Variants in LRP1B observed in about 807,000 individuals in gnomAD.
LRP1B encodes low-density lipoprotein receptor-related protein 1B.
Under a neutral mutation model 556.6 loss-of-function variants are expected in LRP1B, and 217 were observed. The ratio of observed to expected loss-of-function variants is 0.39; its 90% CI spans 0.35 to 0.44. The LOEUF is 0.44. Ranked by LOEUF, LRP1B falls within the 20% of genes least tolerant of loss-of-function variation. The pLI is 1.00. For synonymous variants in LRP1B, 2,047 were observed against 1,865.8 expected (o/e 1.10, Z -2.50); for missense variants, 5,053 against 5,620.8 (o/e 0.90, Z 3.23).
At chr2:141,462,735 C>A (rs1239075483) in intron 3 of LRP1B, among the ~76,000 whole-genome samples, 1 of 136,296 alleles carries the variant, frequency 7.3e-6, no homozygotes, top group Admixed American at 7.1e-5. Flanking sequence ...GCTTAACTTA[C>A]AGACAAAGAA....
At chr2:140,312,534 G>T (rs1026219725) in intron 83 of LRP1B, among the ~76,000 whole-genome samples, 8 of 151,808 alleles carry the variant, frequency 5.3e-5, no homozygotes, top group Admixed American at 1.3e-4. Context: ...ATGTCTTAAT[G>T]ATATCTATGA....
At chr2:141,784,425 T>C (rs1307381089) in intron 2 of LRP1B, among the ~76,000 whole-genome samples, 3 of 152,016 alleles carry the variant, frequency 2.0e-5, no homozygotes, top group Non-Finnish European at 4.4e-5. Flanking sequence ...CATATAGGTC[T>C]CGGCTCTACA....
intron 3 of LRP1B, among the ~76,000 whole-genome samples, chr2:141,433,388 CTA>C (rs1368999164): frequency 6.6e-6 from 1 of 151,984 alleles, no homozygotes; most frequent in African/African-American, 2.4e-5. Context: ...TTGAAGTGTT[CTA>C]TAGATAATTG....
intron 7 of LRP1B, among the ~76,000 whole-genome samples, chr2:141,074,607 G>A (rs1054051401): frequency 1.9e-4 from 22 of 114,598 alleles, no homozygotes; most frequent in African/African-American, 5.4e-4. Context: ...ATATATATAT[G>A]TTTTTTATAT....
chr2:141,954,963 C>G (rs1046139581), intron 1 of LRP1B, among the ~76,000 whole-genome samples: 15 of 152,072 alleles, frequency 9.9e-5, no homozygotes, highest in African/African-American at 3.4e-4. Flanking sequence ...AAATGATCGT[C>G]GGTGTTCCCA....
intron 46 of LRP1B, among the ~76,000 whole-genome samples, chr2:140,534,833 G>C (rs183034994): frequency 2.0e-5 from 3 of 152,094 alleles, no homozygotes; most frequent in Non-Finnish European, 4.4e-5. Flanking sequence ...TCATGCTCTC[G>C]ACTACCATAA....
intron 41 of LRP1B, among the ~76,000 whole-genome samples, chr2:140,628,453 C>T (rs952575123): frequency 7.9e-5 from 12 of 151,102 alleles, no homozygotes; most frequent in Non-Finnish European, 1.2e-4. Context: ...AGGAGAATGG[C>T]ATGAACCCGG....
chr2:140,475,452 A>G, intron 59 of LRP1B, 115 bp from the exon 60 acceptor site: 1 of 694,614 alleles, frequency 1.4e-6, no homozygotes, highest in Non-Finnish European at 2.2e-6. Context: ...ATTTTTCTGA[A>G]TTGCAGCTTT....
chr2:141,108,334 C>CTTTTTTTTTTTTTTTTTTTTTTTTTTT (rs60275697), intron 7 of LRP1B, among the ~76,000 whole-genome samples: 1 of 88,514 alleles, frequency 1.1e-5, no homozygotes, highest in Admixed American at 1.4e-4. Flanking sequence ...TAATCTGTTT[C>CTTTTTTTTTTTTTTTTTTTTTTTTTTT]TTTTTTTTTT....
chr2:141,272,356 A>T (rs533875021), intron 3 of LRP1B, among the ~76,000 whole-genome samples: 46 of 152,298 alleles, frequency 3.0e-4, no homozygotes, highest in Non-Finnish European at 1.3e-4. Context: ...TTGAAATATT[A>T]CACTACAAAA....
chr2:142,045,717 CA>C (rs1428212853), intron 1 of LRP1B, among the ~76,000 whole-genome samples: 1 of 151,792 alleles, frequency 6.6e-6, no homozygotes, highest in Non-Finnish European at 1.5e-5. Context: ...TTTAAAGAAC[CA>C]TGCAAATATG....
chr2:141,018,758 G>T (rs1032208087), intron 12 of LRP1B, among the ~76,000 whole-genome samples: 3 of 152,042 alleles, frequency 2.0e-5, no homozygotes, highest in Admixed American at 2.0e-4. Context: ...ACTAAGGCTG[G>T]TTTACCAGAT....
chr2:140,993,964 C>A (rs1384207894), intron 16 of LRP1B, 31 bp downstream of exon 16: 7 of 1,605,862 alleles, frequency 4.4e-6, no homozygotes, highest in Non-Finnish European at 5.1e-6. Context: ...CAGGAAAATA[C>A]AATTTTTAGG....
intron 41 of LRP1B, among the ~76,000 whole-genome samples, chr2:140,695,371 G>A (rs770385183): frequency 2.0e-5 from 3 of 151,922 alleles, no homozygotes; most frequent in Non-Finnish European, 2.9e-5. Flanking sequence ...AGCTTCTAGG[G>A]TTAGTCACTT....
chr2:140,508,093 G>A (rs1260885794), intron 52 of LRP1B, among the ~76,000 whole-genome samples: 5 of 152,036 alleles, frequency 3.3e-5, no homozygotes, highest in Non-Finnish European at 7.4e-5. Flanking sequence ...ATTCAATAAT[G>A]CAAATAACAG....
intron 9 of LRP1B, 104 bp from the exon 10 acceptor site, chr2:141,055,363 T>C: frequency 8.0e-7 from 1 of 1,245,736 alleles, no homozygotes; most frequent in Non-Finnish European, 1.1e-6. Flanking sequence ...CAGGGAATCT[T>C]AGCAAAATTT....
rs141827692 is a variant in LRP1B at position 140,950,243 on chromosome 2, G to A, written c.3128C>T (p.Thr1043Ile). 7 of 1,582,784 alleles carry A rather than the reference G, an allele frequency of 4.4e-6. No homozygotes were observed. The East Asian group carries it at 9.0e-5, about 20-fold the overall frequency. The change falls in exon 20 of 91, where the codon ACT becomes ATT. Residue 1043 changes from threonine to isoleucine, a missense_variant. Thr to Ile is a moderately conservative substitution (Grantham distance 89). Around this residue, in one of 5 missense-constraint regions of LRP1B, gnomAD observed 3,619 missense variants for 3,931.9 expected, o/e 0.92. Transcript: ENST00000389484. Reference sequence around the variant, plus strand: ...TTTATAAAATTACTAACCTTCTTTAGTACAATTGATCTGGGCTTCATCACT... The same window carrying A: ...TTTATAAAATTACTAACCTTCTTTAATACAATTGATCTGGGCTTCATCACT... Reference protein sequence around the residue: ...DFSDEAQINCTKEEIHSPAGC... With the variant: ...DFSDEAQINCIKEEIHSPAGC...
At chr2:141,314,879 CATAT>C (rs1558999365) in intron 3 of LRP1B, among the ~76,000 whole-genome samples, 11 of 99,684 alleles carry the variant, frequency 1.1e-4, no homozygotes, top group African/African-American at 4.4e-4. Context: ...TATATACATA[CATAT>C]ATACATATAT....
chr2:140,558,308 G>T (rs1175250221), intron 43 of LRP1B, among the ~76,000 whole-genome samples: 1 of 152,030 alleles, frequency 6.6e-6, no homozygotes, highest in Non-Finnish European at 1.5e-5. Context: ...GTACAGAAAG[G>T]ATCATAGCAG....
Sources: gnomAD v4.1 joint callset for allele counts (sites outside exome capture counted in the v4.1 genomes callset) on GRCh38, gnomAD v4.1.1 for gene constraint, gnomAD v4.1.1 regional missense constraint, MANE v1.5 for transcripts, NCBI Gene and HGNC (gene_info 2026-07-23, HGNC 2026-07-21) for gene names.